ZAP70: variants seen among roughly 807,000 people sequenced by gnomAD.
The protein encoded by ZAP70 is zeta chain of T cell receptor associated protein kinase 70.
Under a neutral mutation model 65.8 loss-of-function variants are expected in ZAP70, and 27 were observed. The ratio of observed to expected loss-of-function variants is 0.41; its 90% CI spans 0.30 to 0.57. ZAP70 has a LOEUF of 0.57. ZAP70 is among the 20% of genes least tolerant of loss of function. ZAP70 has a pLI of 0.28. For synonymous variants in ZAP70, 363 were observed against 360.8 expected (o/e 1.01, Z -0.07); for missense variants, 696 against 870.5 (o/e 0.80, Z 2.52).
intron 2 of ZAP70, among the ~76,000 whole-genome samples, chr2:97,714,740 T>G (rs1250771032): frequency 6.6e-6 from 1 of 152,194 alleles, no homozygotes; most frequent in African/African-American, 2.4e-5. Context: ...TGTTTAATAA[T>G]GCCTTGCTGA....
At position 97,724,332 on chromosome 2, in the gene ZAP70, G is replaced by A. The variant is rs1183754253; in HGVS notation, c.296G>A (p.Arg99His). The change falls in exon 3 of 14, where the codon CGC becomes CAC. Residue 99 changes from arginine to histidine, a missense_variant. By Grantham distance (29) the Arg-to-His change is conservative. This residue lies in a region of ZAP70 where 551 missense variants were observed against 630.0 expected (regional missense o/e 0.87). Coordinates refer to ENST00000264972, the MANE Select transcript of ZAP70 (RefSeq NM_001079.4). ...RDPDGLPCNL[R>H]KPCNRPSGLE... ...CCCGACGGGCTGCCCTGCAACCTGC[G>A]CAAGCCGTGCAACCGGCCGTCGGGC... is the stretch of plus-strand genomic sequence containing the variant. 1 of 1,569,584 alleles carries A rather than the reference G, an allele frequency of 6.4e-7. No individual in the cohort carries two copies. The highest frequency in any genetic ancestry group is 8.6e-7 in the Non-Finnish European group (1 of 1,157,866).
At chr2:97,747,815 GTTTTTTTTTTTTTTTTTTTTTT>G in the ZAP70 span, among the ~76,000 whole-genome samples, 1 of 54,746 alleles carries the variant, frequency 1.8e-5, no homozygotes, top group African/African-American at 8.8e-5. Context: ...CTGGCACGAG[GTTTTTTTTTTTTTTTTTTTTTT>G]TTTTTTTTTT....
chr2:97,721,557 G>C (rs762192989), intron 2 of ZAP70, among the ~76,000 whole-genome samples: 25 of 150,570 alleles, frequency 1.7e-4, no homozygotes, highest in Non-Finnish European at 3.0e-4. Flanking sequence ...GGGACTACAG[G>C]CGCCCGCCAC....
At position 97,739,507 on chromosome 2, in the gene ZAP70, TG is replaced by T. The variant is rs1228726033; in HGVS notation, c.*10del. On this transcript the variant is annotated 3_prime_UTR_variant, in exon 14 of 14. Transcript: ENST00000264972. ...AGGCTGCCTGTGCCTGAGCTCCCGC[TG>T]CCCAGGGGAGCCCTCCACGCCGGCT... 2 of 1,611,274 alleles carry T rather than the reference TG, an allele frequency of 1.2e-6. No individual in the cohort carries two copies. Among genetic ancestry groups the T allele is most frequent in the African/African-American group, 2.7e-5 (2 of 74,870 alleles).
At position 97,724,090 on chromosome 2, in the gene ZAP70, C is replaced by T. The variant is rs1286538070; in HGVS notation, c.54C>T (p.Ala18=). The change falls in exon 3 of 14, where the codon GCC becomes GCT. Residue 18 remains alanine (A), a synonymous_variant. Transcript: ENST00000264972. ...LPFFYGSISR[A]EAEEHLKLAG... is the part of the protein sequence containing the mutation. The stretch of plus-strand genomic sequence containing the variant: ...TCTTCTACGGCAGCATCTCGCGTGC[C>T]GAGGCCGAGGAGCACCTGAAGCTGG... The T allele has an allele frequency of 6.4e-7, 1 of 1,561,506 alleles. No individual in the cohort carries two copies. The highest frequency in any genetic ancestry group is 1.3e-5 in the African/African-American group (1 of 74,134).
chr2:97,734,206 C>T (rs1188792578), intron 8 of ZAP70: 6 of 511,800 alleles, frequency 1.2e-5, no homozygotes, highest in African/African-American at 5.8e-5. Context: ...GGGACGGGCC[C>T]GGCCATAGGC....
chr2:97,754,324 G>A, the ZAP70 span, among the ~76,000 whole-genome samples: 13 of 152,244 alleles, frequency 8.5e-5, no homozygotes, highest in Non-Finnish European at 1.8e-4. Context: ...GGTCTCAGGC[G>A]ATTGTTCTGA....
At chr2:97,725,017 C>A (rs1375422598) in intron 3 of ZAP70, 75 bp from the exon 4 acceptor site, 1 of 1,596,218 alleles carries the variant, frequency 6.3e-7, no homozygotes, top group Non-Finnish European at 8.5e-7. Flanking sequence ...TCCTCTGGGA[C>A]AGGGCTCCCG....
the ZAP70 span, among the ~76,000 whole-genome samples, chr2:97,746,293 AC>A: frequency 1.3e-5 from 2 of 152,230 alleles, no homozygotes; most frequent in African/African-American, 4.8e-5. Flanking sequence ...TGAATTGTGC[AC>A]CTAGAAAGTT....
In ZAP70 at chr2:97,733,295, A is replaced by G. The variant is rs755656119; in HGVS notation, c.791-2A>G. 1 of 1,604,434 alleles carries G rather than the reference A, an allele frequency of 6.2e-7. No individual in the cohort carries two copies. The highest frequency in any genetic ancestry group is 1.1e-5 in the South Asian group (1 of 89,828). On this transcript the variant is annotated splice_acceptor_variant, in intron 6 of 13. Coordinates refer to ENST00000264972, the MANE Select transcript of ZAP70 (RefSeq NM_001079.4). LOFTEE classifies it high-confidence loss of function. ...CCCTCACTGTCCCTTCTGCTCCCCC[A>G]GGGGCTGCTGCTCCCACACTCCCAG...
the ZAP70 span, among the ~76,000 whole-genome samples, chr2:97,749,361 G>A: frequency 6.6e-6 from 1 of 152,180 alleles, no homozygotes; most frequent in Admixed American, 6.5e-5. Context: ...ATAGTGCGCT[G>A]TCTGTGTGGG....
intron 8 of ZAP70, chr2:97,734,290 C>G (rs56151661): frequency 3.2e-6 from 4 of 1,262,678 alleles, no homozygotes; most frequent in Non-Finnish European, 4.2e-6. Flanking sequence ...CCAATGCACA[C>G]GCCCCTAGAG....
intron 2 of ZAP70, among the ~76,000 whole-genome samples, chr2:97,721,906 C>A (rs576096523): frequency 6.6e-6 from 1 of 151,814 alleles, no homozygotes; most frequent in African/African-American, 2.4e-5. Context: ...GCTTCAGCCT[C>A]CCGAGTAGCT....
downstream of ZAP70, among the ~76,000 whole-genome samples, chr2:97,741,337 C>T (rs1008960710): frequency 1.3e-5 from 2 of 152,222 alleles, no homozygotes; most frequent in African/African-American, 2.4e-5. Context: ...CCAGCGCCCA[C>T]GCGGACTCCC....
chr2:97,721,805 C>T (rs1282759305), intron 2 of ZAP70, among the ~76,000 whole-genome samples: 20 of 148,628 alleles, frequency 1.3e-4, no homozygotes, highest in Admixed American at 7.4e-4. Context: ...TTTGAGATTG[C>T]TGTCTCGCAC....
At chr2:97,725,001 G>A in intron 3 of ZAP70, 91 bp from the exon 4 acceptor site, 2 of 1,581,556 alleles carry the variant, frequency 1.3e-6, no homozygotes, top group Non-Finnish European at 1.7e-6. Flanking sequence ...TGGGTGGGGT[G>A]GGGAGTCCTC....
the ZAP70 span, among the ~76,000 whole-genome samples, chr2:97,749,074 A>T: frequency 6.8e-6 from 1 of 147,756 alleles, no homozygotes; most frequent in African/African-American, 2.6e-5. Flanking sequence ...CAGTGGCGCA[A>T]TCTCGGCTCA....
At chr2:97,733,441 G>A in intron 7 of ZAP70, 98 bp downstream of exon 7, 1 of 1,604,962 alleles carries the variant, frequency 6.2e-7, no homozygotes, top group East Asian at 2.2e-5. Context: ...TGGAGCGGAA[G>A]AAGCTCTCTC....
chr2:97,726,121 T>C (rs1012234858), intron 4 of ZAP70, among the ~76,000 whole-genome samples: 1 of 152,146 alleles, frequency 6.6e-6, no homozygotes, highest in African/African-American at 2.4e-5. Flanking sequence ...GAGAGTATGG[T>C]AACTGACATA....
Sources: gnomAD v4.1 joint callset for allele counts (sites outside exome capture counted in the v4.1 genomes callset) on GRCh38, gnomAD v4.1.1 for gene constraint, gnomAD v4.1.1 regional missense constraint, MANE v1.5 for transcripts, NCBI Gene and HGNC (gene_info 2026-07-23, HGNC 2026-07-21) for gene names.